HK1: variants seen among roughly 807,000 people sequenced by gnomAD.
HK1 encodes the protein hexokinase-1.
HK1 carries 28 observed loss-of-function variants against 91.6 expected under a neutral mutation model. That is an observed-to-expected ratio of 0.31 (90% CI 0.23 to 0.42). The LOEUF (loss-of-function observed/expected upper bound fraction) is 0.42. Ranked by LOEUF, HK1 falls within the 10% of genes least tolerant of loss-of-function variation. The pLI is 1.00. For synonymous variants in HK1, 430 were observed against 468.1 expected, an observed-to-expected ratio of 0.92 and a Z score of 1.05; for missense variants, 770 against 1,219.8, an observed-to-expected ratio of 0.63 and a Z score of 5.49.
At position 69,274,541 on chromosome 10, in the gene HK1, C is replaced by T. The variant is rs1428697462; in HGVS notation, c.-391+4433C>T. Reference sequence around the variant, plus strand: ...TGAACTCAGGAGGCAGAGGTTGCTGCGAGCCGAGATGGCACTCCAGCCTGG... The same window carrying T: ...TGAACTCAGGAGGCAGAGGTTGCTGTGAGCCGAGATGGCACTCCAGCCTGG... On this transcript the variant is annotated intron_variant, in intron 1 of 21. Transcript: ENST00000360289. Among the ~76,000 whole-genome samples the T allele has an allele frequency of 4.0e-5, 6 of 149,874 alleles. No individual in the cohort carries two copies. The South Asian group carries it at 6.3e-4, about 16-fold the overall frequency.
At chr10:69,391,126 T>G (rs1839877808) in intron 14 of HK1, among the ~76,000 whole-genome samples, 2 of 152,188 alleles carry the variant, frequency 1.3e-5, no homozygotes, top group Admixed American at 1.3e-4. Flanking sequence ...TCAGGTTGCA[T>G]GTGTGCGGTG....
intron 2 of HK1, among the ~76,000 whole-genome samples, chr10:69,349,133 T>C (rs979924049): frequency 3.3e-5 from 5 of 152,016 alleles, no homozygotes; most frequent in Admixed American, 1.3e-4. Flanking sequence ...AAAGAGGAAG[T>C]TGGGAGGAAA....
intron 1 of HK1, among the ~76,000 whole-genome samples, chr10:69,327,179 C>G (rs369360547): frequency 6.6e-6 from 1 of 151,668 alleles, no homozygotes; most frequent in Non-Finnish European, 1.5e-5. Context: ...TTAGTAGAGA[C>G]GGGGTTTCAC....
chr10:69,395,253 T>G, intron 16 of HK1, 148 bp downstream of exon 16: 1 of 690,564 alleles, frequency 1.4e-6, no homozygotes, highest in South Asian at 1.7e-5. Context: ...CCTGGGCATT[T>G]GCATAGTGAA....
chr10:69,390,612 T>C (rs1237028057), intron 14 of HK1, among the ~76,000 whole-genome samples: 1 of 152,178 alleles, frequency 6.6e-6, no homozygotes, highest in African/African-American at 2.4e-5. Flanking sequence ...TCTACTTAAG[T>C]TTCTTCAAAG....
chr10:69,382,564 G>A lies in HK1; in HGVS notation c.1343G>A (p.Gly448Asp). The part of the protein sequence containing the change: ...SDVRFLLSES[G>D]SGKGAAMVTA... The stretch of plus-strand genomic sequence containing the variant: ...GTGCGCTTCCTCCTCTCGGAGAGTG[G>A]CAGCGGCAAGGGGGCTGCCATGGTG... Residue 448 changes from glycine to aspartate, a missense_variant, in exon 10 of 18, where the codon GGC becomes GAC. Gly to Asp is a moderately conservative substitution (Grantham distance 94). Coordinates refer to ENST00000359426, the MANE Select transcript of HK1 (RefSeq NM_000188.3). 6.2e-7 allele frequency: 1 copy of A among 1,614,206 alleles called. No individual in the cohort carries two copies. The highest frequency in any genetic ancestry group is 1.1e-5 in the South Asian group (1 of 91,088).
At chr10:69,313,103 T>G (rs902016094), upstream of HK1, among the ~76,000 whole-genome samples, 1 of 152,216 alleles carries the variant, frequency 6.6e-6, no homozygotes, top group African/African-American at 2.4e-5. Context: ...GGAGTAAGAT[T>G]CAGGTACAAG....
At chr10:69,320,340 G>T (rs1421355398) in intron 1 of HK1, among the ~76,000 whole-genome samples, 1 of 152,084 alleles carries the variant, frequency 6.6e-6, no homozygotes, top group Non-Finnish European at 1.5e-5. Flanking sequence ...GGTGGGTGGG[G>T]ACCGGGAGTG....
chr10:69,392,128 C>G lies in HK1; in HGVS notation c.2039C>G (p.Thr680Ser), dbSNP rs398122379. 6 of 1,614,046 alleles carry G rather than the reference C, an allele frequency of 3.7e-6. No individual in the cohort carries two copies. The highest frequency in any genetic ancestry group is 5.1e-6 in the Non-Finnish European group (6 of 1,180,050). Residue 680 changes from threonine to serine, a missense_variant, in exon 15 of 18, where the codon ACC becomes AGC. By Grantham distance (58) the Thr-to-Ser change is moderately conservative. Transcript: ENST00000359426. Reference sequence around the variant, plus strand: ...ATTGCCCCCTCGTGTGTTCCAGGGACCGGCAGCAATGCCTGCTACATGGAG... The same window carrying G: ...ATTGCCCCCTCGTGTGTTCCAGGGAGCGGCAGCAATGCCTGCTACATGGAG... ...PTCEVGLIVG[T>S]GSNACYMEEM...
At chr10:69,342,196 A>AACAAACAAACAAACAAACAC (rs139012850) in intron 1 of HK1, among the ~76,000 whole-genome samples, 17 of 151,562 alleles carry the variant, frequency 1.1e-4, no homozygotes, top group South Asian at 2.1e-4. Context: ...CAAACAAACA[A>AACAAACAAACAAACAAACAC]AGGAAAAAAC....
chr10:69,309,804 T>C (rs768877766), intron 5 of HK1, among the ~76,000 whole-genome samples: 2 of 150,792 alleles, frequency 1.3e-5, no homozygotes, highest in Non-Finnish European at 2.9e-5. Context: ...CCTAGCACTT[T>C]GGGAGGCCGA....
chr10:69,322,789 C>G (rs1195675129), intron 1 of HK1, among the ~76,000 whole-genome samples: 1 of 151,684 alleles, frequency 6.6e-6, no homozygotes, highest in Non-Finnish European at 1.5e-5. Flanking sequence ...ACTTGGGAGG[C>G]TGAGGCCGGA....
chr10:69,302,792 G>A (rs1326653125), intron 5 of HK1, among the ~76,000 whole-genome samples: 3 of 150,154 alleles, frequency 2.0e-5, no homozygotes, highest in African/African-American at 7.3e-5. Flanking sequence ...GGTTTCATTT[G>A]TTTGCTTTGT....
chr10:69,348,026 C>T (rs1037590947), intron 2 of HK1, among the ~76,000 whole-genome samples: 1 of 152,162 alleles, frequency 6.6e-6, no homozygotes, highest in Non-Finnish European at 1.5e-5. Flanking sequence ...CCCAGCCTCC[C>T]CCATTCGCGA....
intron 13 of HK1, among the ~76,000 whole-genome samples, chr10:69,388,985 T>C (rs973666355): frequency 1.3e-5 from 2 of 151,520 alleles, no homozygotes; most frequent in Non-Finnish European, 2.9e-5. Flanking sequence ...TAGAATACTT[T>C]CCCTTCCTTA....
chr10:69,276,118 A>AAAAAAAC, intron 1 of HK1, among the ~76,000 whole-genome samples: 1 of 38,262 alleles, frequency 2.6e-5, no homozygotes, highest in African/African-American at 7.5e-5. Flanking sequence ...AAAAAAAAAA[A>AAAAAAAC]ATACATATAT....
chr10:69,388,534 G>A (rs10762290), intron 13 of HK1, among the ~76,000 whole-genome samples: 108,057 of 152,014 alleles, frequency 0.71, 38,742 homozygotes, highest in African/African-American at 0.78. Context: ...CCATGCATAT[G>A]CCAACACACA....
intron 3 of HK1, among the ~76,000 whole-genome samples, chr10:69,361,967 G>A (rs1209978434): frequency 3.9e-5 from 6 of 152,190 alleles, no homozygotes; most frequent in Admixed American, 6.5e-5. Context: ...ACAGGCATGC[G>A]CCACCACACC....
chr10:69,315,919 C>G (rs1238667612), upstream of HK1: 4 of 1,611,000 alleles, frequency 2.5e-6, no homozygotes, highest in Admixed American at 6.7e-5. Context: ...ATCCCAGGTT[C>G]CTGCCCTGTA....
Sources: gnomAD v4.1 joint callset for allele counts (sites outside exome capture counted in the v4.1 genomes callset) on GRCh38, gnomAD v4.1.1 for gene constraint, MANE v1.5 for transcripts, NCBI Gene and HGNC (gene_info 2026-07-23, HGNC 2026-07-21) for gene names.